The following MAPKBP1 variants were observed in gnomAD, a reference collection of about 807,000 sequenced individuals.
MAPKBP1 encodes the protein mitogen-activated protein kinase-binding protein 1.
A neutral mutation model predicts 170.5 loss-of-function variants in MAPKBP1; 71 were observed. The ratio of observed to expected loss-of-function variants is 0.42; its 90% CI spans 0.34 to 0.51. The LOEUF is 0.51. Among genes scored for constraint, MAPKBP1 ranks in the 20% least tolerant of loss-of-function variants. MAPKBP1 has a pLI of 0.06. For missense variants in MAPKBP1, 1,598 were observed against 1,933.0 expected (o/e 0.83, Z 3.25); for synonymous variants, 719 against 757.9 (o/e 0.95, Z 0.84).
rs988757291 is a variant in MAPKBP1 at position 41,775,295 on chromosome 15, C to T, written c.20C>T (p.Thr7Ile). 6.2e-7 allele frequency: 1 copy of T among 1,613,966 alleles called. No individual in the cohort carries two copies. Among genetic ancestry groups the T allele is most frequent in the African/African-American group, 1.3e-5 (1 of 74,898 alleles). ...GTCATAATGGCTGTGGAAGGGTCAACCATTACCAGCCGGATCAAGAATCTG... is the reference window on the plus strand; with the variant it reads ...GTCATAATGGCTGTGGAAGGGTCAATCATTACCAGCCGGATCAAGAATCTG... The part of the protein sequence containing the change: MAVEGS[T>I]ITSRIKNLLR... Residue 7 changes from threonine (T) to isoleucine (I), a missense_variant, in exon 2 of 31, where the codon ACC (threonine) becomes ATC (isoleucine). By Grantham distance (89) the Thr-to-Ile change is moderately conservative. Around this residue, in one of 6 missense-constraint regions of MAPKBP1, gnomAD observed 151 missense variants for 191.4 expected, o/e 0.79. Coordinates refer to ENST00000457542, the MANE Select transcript of MAPKBP1 (RefSeq NM_014994.3).
chr15:41,793,854 C>G (rs2064436892), intron 2 of MAPKBP1, among the ~76,000 whole-genome samples: 1 of 152,216 alleles, frequency 6.6e-6, no homozygotes, highest in Non-Finnish European at 1.5e-5. Context: ...AAGAGGGGTA[C>G]TCACGATGGT....
chr15:41,786,600 T>TAAAAATACAA (rs2064294473), intron 2 of MAPKBP1, among the ~76,000 whole-genome samples: 1 of 150,034 alleles, frequency 6.7e-6, no homozygotes, highest in Admixed American at 6.7e-5. Flanking sequence ...CCGTCTCTAC[T>TAAAAATACAA]AAAAATACAA....
rs1481791832 is a variant in MAPKBP1 at position 41,825,274 on chromosome 15, C to G, written c.4365C>G (p.Phe1455Leu). The part of the protein sequence containing the change: ...SRIAQLLRDT[F>L]SSVRQELEAV... ...TTGCCCAGCTCCTCAGAGACACCTT[C>G]TCTTCAGTGCGACAGGAGCTGGAAG... is the stretch of plus-strand genomic sequence containing the variant. The change falls in exon 31 of 31, where the codon TTC becomes TTG. Residue 1455 changes from phenylalanine (F) to leucine (L), a missense_variant. Phe to Leu is a conservative substitution (Grantham distance 22). This residue lies in a region of MAPKBP1 where 942 missense variants were observed against 953.2 expected (regional missense o/e 0.99). Transcript: ENST00000457542. The G allele has an allele frequency of 1.2e-6, 2 of 1,611,238 alleles. No homozygotes were observed. The highest frequency in any genetic ancestry group is 8.5e-7 in the Non-Finnish European group (1 of 1,178,092).
rs566133712 is a variant in MAPKBP1 at position 41,774,659 on chromosome 15, A to C, written c.-110+49A>C. The C allele has an allele frequency of 2.5e-4, 99 of 398,662 alleles. 1 individual carries two copies. In the East Asian group the frequency reaches 3.5e-3, roughly 14 times the overall value. The allele number at this position is 398,662 out of a possible 1,614,324, so 24.7% of individuals were successfully genotyped here. On this transcript the variant is annotated intron_variant, in intron 1 of 30. Transcript: ENST00000457542. ...CGCTGACGAGTAGCAGGGGCCTCAG[A>C]GGCGGGTGAAAGATAAAGGTCCAGA...
At chr15:41,780,022 T>A (rs1237365988) in intron 2 of MAPKBP1, among the ~76,000 whole-genome samples, 1 of 152,174 alleles carries the variant, frequency 6.6e-6, no homozygotes. Context: ...AGAGGATGCT[T>A]CTCTCCCTGG....
intron 2 of MAPKBP1, among the ~76,000 whole-genome samples, chr15:41,776,088 G>A (rs1487755871): frequency 6.6e-6 from 1 of 152,172 alleles, no homozygotes; most frequent in Non-Finnish European, 1.5e-5. Flanking sequence ...CTGTGTTTTG[G>A]TCCTTATGCT....
At position 41,815,306 on chromosome 15, in the gene MAPKBP1, T is replaced by C; in HGVS notation, c.1218T>C (p.Ser406=). ...KDSNQACLPP[S]SFITCSSDNT... is the part of the protein sequence containing the mutation. Reference sequence around the variant, plus strand: ...GTAACCAGGCCTGCCTGCCCCCCAGTTCCTTTATTACCTGCTCCTCAGACA... The same window carrying C: ...GTAACCAGGCCTGCCTGCCCCCCAGCTCCTTTATTACCTGCTCCTCAGACA... The change falls in exon 11 of 31, where the codon AGT becomes AGC. Residue 406 remains serine, a synonymous_variant. Coordinates refer to ENST00000457542, the MANE Select transcript of MAPKBP1 (RefSeq NM_014994.3). 6.2e-7 allele frequency: 1 copy of C among 1,614,146 alleles called. No individual in the cohort carries two copies. The highest frequency in any genetic ancestry group is 8.5e-7 in the Non-Finnish European group (1 of 1,180,028).
chr15:41,816,100 C>T (rs575140228), intron 12 of MAPKBP1, among the ~76,000 whole-genome samples: 4 of 152,212 alleles, frequency 2.6e-5, no homozygotes, highest in South Asian at 4.1e-4. Context: ...AGAAAACATC[C>T]GACAAACTCA....
chr15:41,822,058 C>T lies in MAPKBP1; in HGVS notation c.2979C>T (p.Cys993=), dbSNP rs2065006946. 6.2e-7 allele frequency: 1 copy of T among 1,609,118 alleles called. No homozygotes were observed. Among genetic ancestry groups the T allele is most frequent in the South Asian group, 1.1e-5 (1 of 90,080 alleles). The change falls in exon 25 of 31, where the codon TGC becomes TGT. Residue 993 remains cysteine, a synonymous_variant. Coordinates refer to ENST00000457542, the MANE Select transcript of MAPKBP1 (RefSeq NM_014994.3). ...AAAAGCACAGCCCTGACAGTGCCTG[C>T]TCTGTGGATTACAGCAGCAGCTGCC... ...SSEKHSPDSA[C]SVDYSSSCLS...
At chr15:41,799,938 T>A (rs761837200) in intron 3 of MAPKBP1, 24 bp downstream of exon 3, 2 of 1,603,380 alleles carry the variant, frequency 1.2e-6, no homozygotes, top group Middle Eastern at 3.3e-4. Context: ...TTGGAAGAGA[T>A]CTTGATGCAT....
rs1021909080 is a variant in MAPKBP1 at position 41,799,759 on chromosome 15, C to T, written c.115-64C>T. ...AGTGCCTCAGGATGGTCCCAAGTAC[C>T]TTCAGCACCTTCTTCCCAAACACAC... On this transcript the variant is annotated intron_variant, in intron 2 of 30. Transcript: ENST00000457542. The T allele has an allele frequency of 6.5e-6, 9 of 1,381,066 alleles. No individual in the cohort carries two copies. In the African/African-American group the frequency reaches 9.9e-5, roughly 15 times the overall value. 85.6% of individuals were successfully genotyped at this position (1,381,066 alleles called of 1,614,324 possible).
At chr15:41,797,130 G>T (rs974281587) in intron 2 of MAPKBP1, among the ~76,000 whole-genome samples, 9 of 152,194 alleles carry the variant, frequency 5.9e-5, no homozygotes, top group Non-Finnish European at 1.0e-4. Context: ...TTGCTTTAGA[G>T]AATTAATTCT....
rs760018816 is a variant in MAPKBP1 at position 41,821,618 on chromosome 15, C to A, written c.2753C>A (p.Pro918His). The A allele has an allele frequency of 6.2e-7, 1 of 1,613,922 alleles. No individual in the cohort carries two copies. Among genetic ancestry groups the A allele is most frequent in the African/African-American group, 1.3e-5 (1 of 74,864 alleles). The change falls in exon 24 of 31, where the codon CCT becomes CAT. Residue 918 changes from proline (P) to histidine (H), a missense_variant. By Grantham distance (77) the Pro-to-His change is moderately conservative. This residue lies in a region of MAPKBP1 where 942 missense variants were observed against 953.2 expected (regional missense o/e 0.99). Coordinates refer to ENST00000457542, the MANE Select transcript of MAPKBP1 (RefSeq NM_014994.3). ...EKPPRPQASQPCSYPHIIRLL... is the reference protein window; with the variant it reads ...EKPPRPQASQHCSYPHIIRLL... ...CCCCCTCGGCCTCAGGCTTCCCAACCTTGTTCCTATCCCCATATTATCCGA... is the reference window on the plus strand; with the variant it reads ...CCCCCTCGGCCTCAGGCTTCCCAACATTGTTCCTATCCCCATATTATCCGA...
chr15:41,820,805 C>T (rs1221928261), intron 22 of MAPKBP1, 27 bp from the exon 23 acceptor site: 9 of 1,566,150 alleles, frequency 5.7e-6, no homozygotes, highest in African/African-American at 1.4e-5. Context: ...TGTTGTTACT[C>T]CTCCCCCACC....
intron 2 of MAPKBP1, among the ~76,000 whole-genome samples, chr15:41,784,412 G>A (rs1376254140): frequency 1.3e-5 from 2 of 151,966 alleles, no homozygotes; most frequent in Admixed American, 6.6e-5. Context: ...AGGCTGAGGC[G>A]GGAGGATCAC....
At chr15:41,781,819 G>A (rs984110827) in intron 2 of MAPKBP1, among the ~76,000 whole-genome samples, 1 of 151,910 alleles carries the variant, frequency 6.6e-6, no homozygotes, top group African/African-American at 2.4e-5. Flanking sequence ...GGATTTGAGT[G>A]TTGCTCCTTA....
intron 2 of MAPKBP1, among the ~76,000 whole-genome samples, chr15:41,776,788 T>G (rs1304575343): frequency 6.6e-6 from 1 of 152,240 alleles, no homozygotes; most frequent in Non-Finnish European, 1.5e-5. Flanking sequence ...AATTTTGGTC[T>G]GGAATCCAGA....
intron 25 of MAPKBP1, 22 bp from the exon 26 acceptor site, chr15:41,822,201 CCT>C: frequency 6.2e-7 from 1 of 1,606,584 alleles, no homozygotes; most frequent in Non-Finnish European, 8.5e-7. Flanking sequence ...CAGTGCGATG[CCT>C]CTCTCCCCTC....
At position 41,810,956 on chromosome 15, in the gene MAPKBP1, T is replaced by G; in HGVS notation, c.269+11T>G. 6.2e-7 allele frequency: 1 copy of G among 1,614,190 alleles called. No individual in the cohort carries two copies. The highest frequency in any genetic ancestry group is 1.1e-5 in the South Asian group (1 of 91,086). ...CCTCAACAGTTCCAGGTAAATGGGC[T>G]GGGGTCCTCAGGATACCTCTTCCTT... On this transcript the variant is annotated intron_variant, in intron 4 of 30. Coordinates refer to ENST00000457542, the MANE Select transcript of MAPKBP1 (RefSeq NM_014994.3).
Sources: gnomAD v4.1 joint callset for allele counts (sites outside exome capture counted in the v4.1 genomes callset) on GRCh38, gnomAD v4.1.1 for gene constraint, gnomAD v4.1.1 regional missense constraint, MANE v1.5 for transcripts, NCBI Gene and HGNC (gene_info 2026-07-23, HGNC 2026-07-21) for gene names.